MYCBP2: variants seen among roughly 807,000 people sequenced by gnomAD.
MYCBP2 encodes MYC binding protein 2, also known as E3 ubiquitin-protein ligase MYCBP2.
Under a neutral mutation model 525.3 loss-of-function variants are expected in MYCBP2, and 120 were observed. The observed-to-expected ratio is 0.23, with a 90% CI of 0.20 to 0.27. The LOEUF is 0.27. MYCBP2 is among the 10% of genes least tolerant of loss of function. The pLI, the probability that MYCBP2 is intolerant of heterozygous loss-of-function variation, is 1.00. For missense variants in MYCBP2, 4,149 were observed against 5,657.1 expected (o/e 0.73, Z 8.55); for synonymous variants, 1,894 against 1,955.8 (o/e 0.97, Z 0.83).
intron 49 of MYCBP2, among the ~76,000 whole-genome samples, chr13:77,142,292 A>G (rs901175755): frequency 2.6e-5 from 4 of 152,198 alleles, no homozygotes; most frequent in Admixed American, 6.5e-5. Context: ...CTTGACAGGA[A>G]TTGTCTTACC....
intron 76 of MYCBP2, 64 bp from the exon 77 acceptor site, chr13:77,059,690 T>A: frequency 1.6e-6 from 2 of 1,250,278 alleles, no homozygotes; most frequent in Non-Finnish European, 2.3e-6. Flanking sequence ...TTAACAGAAC[T>A]AAATTTTAAA....
Position 77,070,727 on chromosome 13 carries a change from GAAAA to G in MYCBP2, c.11824-20_11824-17del. The G allele has an allele frequency of 9.1e-6, 10 of 1,093,740 alleles. No individual in the cohort carries two copies. Among genetic ancestry groups the G allele is most frequent in the South Asian group, 3.5e-5 (2 of 57,250 alleles). 67.8% of individuals were successfully genotyped at this position (1,093,740 alleles called of 1,614,324 possible). A position where few individuals can be genotyped will look rare whatever the true frequency, so the allele number is the denominator to read the frequency against. On this transcript the variant is annotated splice_polypyrimidine_tract_variant and intron_variant, in intron 68 of 82. Coordinates refer to ENST00000544440, the MANE Select transcript of MYCBP2 (RefSeq NM_015057.5). ...CTGATGTTGCCTTTACATAGAAAAAGAAAAAAAAAAAAAAGAATGAAGTGGTCTC... is the reference window on the plus strand; with the variant it reads ...CTGATGTTGCCTTTACATAGAAAAAGAAAAAAAAAAGAATGAAGTGGTCTC...
intron 15 of MYCBP2, among the ~76,000 whole-genome samples, chr13:77,250,083 C>G (rs1050208134): frequency 1.3e-5 from 2 of 151,826 alleles, no homozygotes; most frequent in African/African-American, 2.4e-5. Context: ...ATTAGCCGGG[C>G]GTAGTGGCGG....
Position 77,294,112 on chromosome 13 carries a change from A to ATATATG in MYCBP2, c.378+2486_378+2487insCATATA, listed in dbSNP as rs1169375853. Among the ~76,000 whole-genome samples the ATATATG allele has an allele frequency of 1.7e-4, 9 of 53,536 alleles. 1 individual carries two copies. The highest frequency in any genetic ancestry group is 3.9e-4 in the Non-Finnish European group (8 of 20,742). The allele number at this position is 53,536 out of a possible 152,430, so 35.1% of individuals were successfully genotyped here. A position where few individuals can be genotyped will look rare whatever the true frequency, so the allele number is the denominator to read the frequency against. On this transcript the variant is annotated intron_variant, in intron 2 of 82. Transcript: ENST00000544440. ...TAAAGTAGATATAATGGCTATATATATATATATATATATATATACATATAT... is the reference window on the plus strand; with the variant it reads ...TAAAGTAGATATAATGGCTATATATATATATGTATATATATATATATATACATATAT...
chr13:77,308,760 T>C (rs1044260124), intron 1 of MYCBP2, among the ~76,000 whole-genome samples: 3 of 152,096 alleles, frequency 2.0e-5, no homozygotes, highest in African/African-American at 7.2e-5. Flanking sequence ...AGAAAGGACA[T>C]ATTATGAAGC....
rs374541044 is a variant in MYCBP2 at position 77,326,457 on chromosome 13, G to A, written c.302+17C>T. On this transcript the variant is annotated intron_variant, in intron 1 of 82. Coordinates refer to ENST00000544440, the MANE Select transcript of MYCBP2 (RefSeq NM_015057.5). This position sits in a 1 kb window ranked among gnomAD's most constrained non-coding sequence, Gnocchi z 4.2. ...AGGGCGGCATGGGGCGCAAGGAAGG[G>A]CACCCTGGGGACGCACCTGGAGGCT... The A allele has an allele frequency of 2.0e-5, 31 of 1,534,896 alleles. No homozygotes were observed. The highest frequency in any genetic ancestry group is 2.4e-5 in the Non-Finnish European group (28 of 1,146,622).
chr13:77,292,532 A>G (rs932820479), intron 2 of MYCBP2, among the ~76,000 whole-genome samples: 1 of 151,338 alleles, frequency 6.6e-6, no homozygotes, highest in African/African-American at 2.4e-5. Context: ...ACCAGATTTA[A>G]AAAAAAAAGA....
At chr13:77,063,572 A>C (rs2039697457) in intron 73 of MYCBP2, among the ~76,000 whole-genome samples, 1 of 151,542 alleles carries the variant, frequency 6.6e-6, no homozygotes, top group African/African-American at 2.4e-5. Flanking sequence ...AAAAAAAAAA[A>C]AAAAAAAAAG....
chr13:77,206,562 C>A, intron 24 of MYCBP2, 91 bp downstream of exon 24: 1 of 1,148,410 alleles, frequency 8.7e-7, no homozygotes. Flanking sequence ...ACAAACAAGA[C>A]AGAATTACAT....
intron 69 of MYCBP2, among the ~76,000 whole-genome samples, chr13:77,069,501 A>C (rs943355466): frequency 6.6e-6 from 1 of 151,834 alleles, no homozygotes; most frequent in Admixed American, 6.6e-5. Flanking sequence ...GCAGTTTGGG[A>C]GGCCGAGGCA....
At chr13:77,134,407 G>T (rs368206108) in intron 52 of MYCBP2, among the ~76,000 whole-genome samples, 2 of 152,126 alleles carry the variant, frequency 1.3e-5, no homozygotes, top group South Asian at 2.1e-4. Context: ...GGTGGTGTAT[G>T]CCTGTAATAC....
chr13:77,229,124 C>A (rs1409573511), intron 18 of MYCBP2, among the ~76,000 whole-genome samples: 1 of 152,196 alleles, frequency 6.6e-6, no homozygotes, highest in East Asian at 1.9e-4. Context: ...GGACTGGAAT[C>A]TTGGCTCTTC....
chr13:77,287,313 T>C (rs893592908), intron 3 of MYCBP2, among the ~76,000 whole-genome samples: 1 of 151,622 alleles, frequency 6.6e-6, no homozygotes, highest in African/African-American at 2.4e-5. Flanking sequence ...AGCCTCTGAG[T>C]AGCTGGGATT....
In MYCBP2 at chr13:77,044,997, C is replaced by G; in HGVS notation, c.*381G>C. 1 of 402,704 alleles carries G rather than the reference C, an allele frequency of 2.5e-6. No homozygotes were observed. The highest frequency in any genetic ancestry group is 4.4e-6 in the Non-Finnish European group (1 of 228,234). The allele number at this position is 402,704 out of a possible 1,614,324, so 24.9% of individuals were successfully genotyped here. ...GCAATTGTACAGGATTACAAAAAGGCAGTATACAATAAACAATGATTATTT... is the reference window on the plus strand; with the variant it reads ...GCAATTGTACAGGATTACAAAAAGGGAGTATACAATAAACAATGATTATTT... On this transcript the variant is annotated 3_prime_UTR_variant, in exon 83 of 83. Transcript: ENST00000544440.
Position 77,278,812 on chromosome 13 carries a change from C to G in MYCBP2, c.694G>C (p.Val232Leu), listed in dbSNP as rs762213576. Residue 232 changes from valine (V) to leucine (L), a missense_variant, in exon 4 of 83, where the codon GTG becomes CTG. Transcript: ENST00000544440. Reference protein sequence around the residue: ...CLRSLQALLNVLQGQQPEGLQ... With the variant: ...CLRSLQALLNLLQGQQPEGLQ... ...CCTTCTGGCTGCTGGCCCTGCAGCA[C>G]GTTGAGCAGGGCTTGGAGACTCCTG... The G allele has an allele frequency of 1.3e-6, 2 of 1,596,570 alleles. No homozygotes were observed.
chr13:77,112,156 C>A (rs1466022849), intron 55 of MYCBP2, among the ~76,000 whole-genome samples: 2 of 151,818 alleles, frequency 1.3e-5, no homozygotes, highest in African/African-American at 4.8e-5. Context: ...TAAGTGCTTC[C>A]TATTTTACTT....
chr13:77,099,702 G>T (rs2046776144), intron 55 of MYCBP2: 1 of 152,124 alleles, frequency 6.6e-6, no homozygotes. Context: ...TGTTCCCTTG[G>T]AAACCACAGA....
intron 20 of MYCBP2, among the ~76,000 whole-genome samples, chr13:77,221,305 A>C (rs2065523962): frequency 6.6e-6 from 1 of 152,178 alleles, no homozygotes; most frequent in Non-Finnish European, 1.5e-5. Context: ...ATCTCTTCAG[A>C]CTTGGGAATC....
At chr13:77,247,216 T>C (rs760959952) in intron 15 of MYCBP2, among the ~76,000 whole-genome samples, 1 of 151,922 alleles carries the variant, frequency 6.6e-6, no homozygotes, top group Non-Finnish European at 1.5e-5. Flanking sequence ...ACCCTAAAGA[T>C]TGCACTCAAA....
Sources: gnomAD v4.1 joint callset for allele counts (sites outside exome capture counted in the v4.1 genomes callset) on GRCh38, gnomAD v4.1.1 for gene constraint, Gnocchi (gnomAD v3.1) non-coding constraint, MANE v1.5 for transcripts, NCBI Gene and HGNC (gene_info 2026-07-23, HGNC 2026-07-21) for gene names.